NRDC: variants seen among roughly 807,000 people sequenced by gnomAD.
The protein encoded by NRDC is nardilysin convertase, also known as nardilysin.
A neutral mutation model predicts 147.1 loss-of-function variants in NRDC; 54 were observed. The observed-to-expected ratio is 0.37, with a 90% confidence interval of 0.29 to 0.46. The LOEUF is 0.46. Among genes scored for constraint, NRDC ranks in the 20% least tolerant of loss-of-function variants. The pLI is 1.00. For synonymous variants in NRDC, 440 were observed against 482.1 expected (o/e 0.91, Z 1.14); for missense variants, 1,082 against 1,370.6 (o/e 0.79, Z 3.33).
chr1:51,803,484 A>G (rs1295438159), intron 20 of NRDC, among the ~76,000 whole-genome samples: 1 of 152,122 alleles, frequency 6.6e-6, no homozygotes, highest in Non-Finnish European at 1.5e-5. Context: ...CAAAAAAAAA[A>G]AAAAAAAAGG....
intron 20 of NRDC, among the ~76,000 whole-genome samples, chr1:51,803,601 C>G (rs550559785): frequency 6.6e-6 from 1 of 152,228 alleles, no homozygotes; most frequent in East Asian, 1.9e-4. Context: ...AAAGCATGGG[C>G]TATAATCCCA....
intron 21 of NRDC, among the ~76,000 whole-genome samples, chr1:51,800,327 C>T (rs148080641): frequency 1.1e-3 from 170 of 152,280 alleles, no homozygotes; most frequent in African/African-American, 4.0e-3. Flanking sequence ...AACACCCTTC[C>T]TTACTTTTAG....
chr1:51,816,248 T>A, intron 11 of NRDC, 64 bp downstream of exon 11: 1 of 1,041,214 alleles, frequency 9.6e-7, no homozygotes, highest in Non-Finnish European at 1.4e-6. Context: ...CATTATATAA[T>A]ACTTATTGTC....
intron 1 of NRDC, among the ~76,000 whole-genome samples, chr1:51,870,796 T>G (rs138409256): frequency 4.0e-5 from 6 of 150,778 alleles, no homozygotes; most frequent in African/African-American, 1.4e-4. Context: ...TAATTAGTAA[T>G]TAATAATTAC....
intron 20 of NRDC, among the ~76,000 whole-genome samples, chr1:51,802,370 CAT>C (rs1191409051): frequency 1.3e-5 from 2 of 152,138 alleles, no homozygotes; most frequent in Admixed American, 6.5e-5. Flanking sequence ...TACATACATA[CAT>C]ATATATATGT....
At chr1:51,856,442 C>T (rs1011648377) in intron 1 of NRDC, among the ~76,000 whole-genome samples, 8 of 152,138 alleles carry the variant, frequency 5.3e-5, no homozygotes, top group Admixed American at 2.6e-4. Flanking sequence ...TCTGACTTAC[C>T]GGCTTTCAAG....
intron 7 of NRDC, among the ~76,000 whole-genome samples, chr1:51,822,176 G>C (rs1413441062): frequency 6.6e-6 from 1 of 151,986 alleles, no homozygotes; most frequent in African/African-American, 2.4e-5. Flanking sequence ...TGCTTTATCT[G>C]AGTGACCATC....
chr1:51,844,864 AGG>A, intron 1 of NRDC, among the ~76,000 whole-genome samples: 1 of 147,244 alleles, frequency 6.8e-6, no homozygotes, highest in Non-Finnish European at 1.5e-5. Flanking sequence ...GAAGGAAGGA[AGG>A]AAGGAAGGAA....
intron 1 of NRDC, among the ~76,000 whole-genome samples, chr1:51,853,274 T>C (rs534328260): frequency 5.3e-5 from 8 of 151,820 alleles, no homozygotes; most frequent in Admixed American, 4.6e-4. Context: ...TGGAAGTCCC[T>C]TCACTTGAAG....
intron 15 of NRDC, among the ~76,000 whole-genome samples, chr1:51,811,182 T>TCCTTTA (rs1679696471): frequency 6.6e-6 from 1 of 152,198 alleles, no homozygotes; most frequent in Non-Finnish European, 1.5e-5. Flanking sequence ...TGTTCCTTCC[T>TCCTTTA]CCTTTACCTT....
intron 1 of NRDC, among the ~76,000 whole-genome samples, chr1:51,848,727 T>A (rs544115604): frequency 6.6e-6 from 1 of 152,164 alleles, no homozygotes; most frequent in Non-Finnish European, 1.5e-5. Context: ...ATAAAATGCA[T>A]AAATATACCT....
intron 1 of NRDC, among the ~76,000 whole-genome samples, chr1:51,846,475 G>C (rs1304589617): frequency 6.6e-5 from 10 of 152,196 alleles, no homozygotes; most frequent in Admixed American, 6.5e-4. Context: ...TGGGTTCTTG[G>C]TCTCACTGAC....
intron 14 of NRDC, 71 bp downstream of exon 14, chr1:51,813,964 A>G (rs756175248): frequency 9.9e-7 from 1 of 1,010,910 alleles, no homozygotes; most frequent in South Asian, 1.4e-5. Flanking sequence ...ACTTTCAAAA[A>G]GAGGAACAAT....
At chr1:51,848,779 C>T (rs1426269683) in intron 1 of NRDC, among the ~76,000 whole-genome samples, 2 of 152,152 alleles carry the variant, frequency 1.3e-5, no homozygotes, top group African/African-American at 2.4e-5. Context: ...ACTTACATGT[C>T]TTAACCCAGT....
At chr1:51,873,239 T>C (rs989030932) in intron 1 of NRDC, among the ~76,000 whole-genome samples, 1 of 152,212 alleles carries the variant, frequency 6.6e-6, no homozygotes, top group Non-Finnish European at 1.5e-5. Flanking sequence ...ATAAGGCTTC[T>C]GCTCAGTATA....
chr1:51,805,211 G>A (rs1679408140), intron 19 of NRDC, among the ~76,000 whole-genome samples: 1 of 152,186 alleles, frequency 6.6e-6, no homozygotes, highest in Non-Finnish European at 1.5e-5. Flanking sequence ...ATTATAGACT[G>A]GGCACTCACC....
chr1:51,854,347 G>A (rs991275685), intron 1 of NRDC, among the ~76,000 whole-genome samples: 12 of 152,214 alleles, frequency 7.9e-5, no homozygotes, highest in South Asian at 2.1e-4. Context: ...CAGCCTGGGC[G>A]ACAGAGCAAG....
chr1:51,843,771 A>G (rs928394820), intron 1 of NRDC, among the ~76,000 whole-genome samples: 2 of 152,188 alleles, frequency 1.3e-5, no homozygotes, highest in African/African-American at 4.8e-5. Context: ...ATCTGTCCAG[A>G]AATAAATTCT....
chr1:51,837,280 C>T (rs1012896881), intron 2 of NRDC, among the ~76,000 whole-genome samples: 1 of 152,158 alleles, frequency 6.6e-6, no homozygotes, highest in Non-Finnish European at 1.5e-5. Flanking sequence ...TAAAAAAGAG[C>T]TTTTCAAAAA....
Sources: allele counts gnomAD v4.1 joint callset (sites outside exome capture counted in the v4.1 genomes callset), GRCh38; gene constraint gnomAD v4.1.1; transcripts MANE v1.5; gene names NCBI Gene and HGNC (gene_info 2026-07-23, HGNC 2026-07-21).